OTUD4: variants seen among roughly 807,000 people sequenced by gnomAD.
The protein encoded by OTUD4 is OTU domain-containing protein 4.
Under a neutral mutation model 130.4 loss-of-function variants are expected in OTUD4, and 24 were observed. The ratio of observed to expected loss-of-function variants is 0.18; its 90% CI spans 0.13 to 0.26. The LOEUF (loss-of-function observed/expected upper bound fraction) is 0.26. Among genes scored for constraint, OTUD4 ranks in the 10% least tolerant of loss-of-function variants. OTUD4 has a pLI of 1.00. For synonymous variants in OTUD4, 420 were observed against 472.5 expected (o/e 0.89, Z 1.44); for missense variants, 1,031 against 1,329.4 (o/e 0.78, Z 3.49).
chr4:145,155,765 T>A, intron 8 of OTUD4, 79 bp from the exon 9 acceptor site: 1 of 1,085,466 alleles, frequency 9.2e-7, no homozygotes, highest in Non-Finnish European at 1.3e-6. Context: ...AAAACTAAAG[T>A]CAAATGAAGA....
At chr4:145,142,758 GATTA>G (rs983024198) in intron 17 of OTUD4, among the ~76,000 whole-genome samples, 5 of 152,184 alleles carry the variant, frequency 3.3e-5, no homozygotes, top group African/African-American at 1.2e-4. Flanking sequence ...TGAAATTCAT[GATTA>G]TTTAGAAAAA....
At chr4:145,152,286 T>C (rs867252040) in intron 11 of OTUD4, among the ~76,000 whole-genome samples, 1 of 152,122 alleles carries the variant, frequency 6.6e-6, no homozygotes, top group Non-Finnish European at 1.5e-5. Context: ...CTAATTTTTA[T>C]ATTTTCAGTA....
Position 145,179,880 on chromosome 4 carries a change from G to T in OTUD4, c.94C>A (p.Leu32Met). 6.6e-7 allele frequency: 1 copy of T among 1,522,826 alleles called. No individual in the cohort carries two copies. Among genetic ancestry groups the T allele is most frequent in the Non-Finnish European group, 8.8e-7 (1 of 1,140,416 alleles). 94.3% of individuals were successfully genotyped at this position (1,522,826 alleles called of 1,614,324 possible). A position where few individuals can be genotyped will look rare whatever the true frequency, so the allele number is the denominator to read the frequency against. Residue 32 changes from leucine to methionine, a missense_variant, in exon 1 of 21, where the codon CTG becomes ATG. Physicochemically the swap from Leu to Met is conservative, Grantham distance 15. This residue lies in a region of OTUD4 where 54 missense variants were observed against 60.6 expected (regional missense o/e 0.89). Coordinates refer to ENST00000447906, the MANE Select transcript of OTUD4 (RefSeq NM_001366057.1). ...GCGACCAGTTTCCGATACAAGCCCA[G>T]TTTCCGCAGATAGGCGTCCATGGGC... is the stretch of plus-strand genomic sequence containing the variant. Reference protein sequence around the residue: ...ATPMDAYLRKLGLYRKLVAKD... With the variant: ...ATPMDAYLRKMGLYRKLVAKD...
chr4:145,146,477 A>C, intron 13 of OTUD4, 48 bp from the exon 14 acceptor site: 1 of 1,044,486 alleles, frequency 9.6e-7, no homozygotes, highest in Non-Finnish European at 1.3e-6. Context: ...TAAATAAATA[A>C]ATAAATAAAT....
chr4:145,139,822 C>T, intron 20 of OTUD4, 129 bp downstream of exon 20: 1 of 414,094 alleles, frequency 2.4e-6, no homozygotes, highest in Non-Finnish European at 4.4e-6. Flanking sequence ...ACTGAAAATG[C>T]TGGTTTTTAA....
intron 7 of OTUD4, chr4:145,159,281 C>T: frequency 2.2e-6 from 3 of 1,344,016 alleles, no homozygotes; most frequent in Non-Finnish European, 2.9e-6. Context: ...GACGTAAATT[C>T]TCATCAACCA....
Position 145,164,140 on chromosome 4 carries a change from T to G in OTUD4, c.414+14A>C, listed in dbSNP as rs1299909591. Reference sequence around the variant, plus strand: ...TTTACTTAAATACTTTAGAACACTTTGAAAAATTCTTACCTTTTCAGGAAA... The same window carrying G: ...TTTACTTAAATACTTTAGAACACTTGGAAAAATTCTTACCTTTTCAGGAAA... On this transcript the variant is annotated intron_variant, in intron 5 of 20. Coordinates refer to ENST00000447906, the MANE Select transcript of OTUD4 (RefSeq NM_001366057.1). The G allele has an allele frequency of 1.6e-6, 2 of 1,274,488 alleles. No individual in the cohort carries two copies. The highest frequency in any genetic ancestry group is 2.6e-5 in the South Asian group (2 of 76,584). 78.9% of individuals were successfully genotyped at this position (1,274,488 alleles called of 1,614,324 possible). A position where few individuals can be genotyped will look rare whatever the true frequency, so the allele number is the denominator to read the frequency against.
intron 1 of OTUD4, among the ~76,000 whole-genome samples, chr4:145,179,347 TACATTCC>T (rs1306758182): frequency 6.6e-6 from 1 of 152,182 alleles, no homozygotes; most frequent in African/African-American, 2.4e-5. Flanking sequence ...TTGCCTACCC[TACATTCC>T]AAAGTCCAGC....
chr4:145,174,530 G>GT lies in OTUD4; in HGVS notation c.243+130dup, dbSNP rs965733117. The GT allele has an allele frequency of 8.4e-6, 5 of 593,716 alleles. No individual in the cohort carries two copies. The East Asian group carries it at 1.4e-4, about 17-fold the overall frequency. 36.8% of individuals were successfully genotyped at this position (593,716 alleles called of 1,614,324 possible). On this transcript the variant is annotated intron_variant, in intron 2 of 20. Coordinates refer to ENST00000447906, the MANE Select transcript of OTUD4 (RefSeq NM_001366057.1). Reference sequence around the variant, plus strand: ...TAACTAGATTAAGTTCAATAGAGAAGTTTTTTTAATAAGTGTTATTTTCAT... The same window carrying GT: ...TAACTAGATTAAGTTCAATAGAGAAGTTTTTTTTAATAAGTGTTATTTTCAT...
In OTUD4 at chr4:145,176,042, CT is replaced by C. The variant is rs70956828; in HGVS notation, c.160-1299del. Among the ~76,000 whole-genome samples the C allele has an allele frequency of 5.1e-3, 731 of 143,868 alleles. 6 individuals are homozygous for C. Among genetic ancestry groups the C allele is most frequent in the African/African-American group, 0.017 (653 of 39,354 alleles). 94.4% of individuals were successfully genotyped at this position (143,868 alleles called of 152,430 possible). A position where few individuals can be genotyped will look rare whatever the true frequency, so the allele number is the denominator to read the frequency against. On this transcript the variant is annotated intron_variant, in intron 1 of 20. Coordinates refer to ENST00000447906, the MANE Select transcript of OTUD4 (RefSeq NM_001366057.1). The stretch of plus-strand genomic sequence containing the variant: ...ATGTCCGGCTAATTTTTCTTTCTTT[CT>C]TTTTTTTTTTTCCGGCTCATTTTTC...
chr4:145,138,107 A>G lies in OTUD4; in HGVS notation c.2668T>C (p.Leu890=). The stretch of plus-strand genomic sequence containing the variant: ...TCCAGATTTTCCAGAGACAGATCCA[A>G]TTCTCCTTTTTCATCAGAGGGCAGG... The part of the protein sequence containing the change: ...IVLPSDEKGE[L]DLSLENLDLS... The change falls in exon 21 of 21, where the codon TTG becomes CTG. Residue 890 remains leucine (L), a synonymous_variant. Coordinates refer to ENST00000447906, the MANE Select transcript of OTUD4 (RefSeq NM_001366057.1). The G allele has an allele frequency of 6.2e-7, 1 of 1,614,032 alleles. No individual in the cohort carries two copies. Among genetic ancestry groups the G allele is most frequent in the South Asian group, 1.1e-5 (1 of 91,076 alleles).
Position 145,140,006 on chromosome 4 carries a change from A to T in OTUD4, c.2084-15T>A, listed in dbSNP as rs1299463170. 1.3e-5 allele frequency: 10 copies of T among 748,140 alleles called. No individual in the cohort carries two copies. Among genetic ancestry groups the T allele is most frequent in the Non-Finnish European group, 2.2e-5 (10 of 459,182 alleles). The allele number at this position is 748,140 out of a possible 1,614,324, so 46.3% of individuals were successfully genotyped here. On this transcript the variant is annotated splice_polypyrimidine_tract_variant and intron_variant, in intron 19 of 20. Transcript: ENST00000447906. ...AATATTCTTATCTAAAAATAAAAGT[A>T]ATCACTTGTTAAAATTATATATCTG...
At chr4:145,144,551 G>T in intron 14 of OTUD4, 117 bp from the exon 15 acceptor site, 1 of 976,420 alleles carries the variant, frequency 1.0e-6, no homozygotes, top group Non-Finnish European at 1.5e-6. Context: ...TCACAGCCCT[G>T]TATTTTTAAC....
chr4:145,150,475 C>T (rs774950635), intron 13 of OTUD4, 38 bp downstream of exon 13: 16 of 1,440,546 alleles, frequency 1.1e-5, no homozygotes, highest in Non-Finnish European at 1.4e-5. Flanking sequence ...ATGCCTCTTA[C>T]TTGATTTCTA....
At chr4:145,178,565 G>GC (rs3836693) in intron 1 of OTUD4, 36,112 of 152,108 alleles carry the variant, frequency 0.24, 5,356 homozygotes, top group East Asian at 0.45. Flanking sequence ...ATACCCCACA[G>GC]CAACACTGAA....
chr4:145,157,951 A>T (rs1182301158), intron 7 of OTUD4, among the ~76,000 whole-genome samples: 1 of 151,968 alleles, frequency 6.6e-6, no homozygotes, highest in Non-Finnish European at 1.5e-5. Context: ...AAGTCCCCCA[A>T]CCCCAATCAC....
intron 10 of OTUD4, among the ~76,000 whole-genome samples, chr4:145,153,251 G>A (rs943326585): frequency 1.3e-5 from 2 of 152,180 alleles, no homozygotes; most frequent in African/African-American, 4.8e-5. Flanking sequence ...ATATGTTAAG[G>A]CTCTAAACAA....
At chr4:145,170,419 T>G (rs1006598707) in intron 3 of OTUD4, among the ~76,000 whole-genome samples, 1 of 152,274 alleles carries the variant, frequency 6.6e-6, no homozygotes, top group East Asian at 1.9e-4. Flanking sequence ...CTGCCTGGAA[T>G]GCCCTTCAGC....
rs749715102 is a variant in OTUD4 at position 145,156,032 on chromosome 4, A to C, written c.630-36T>G. 1.9e-6 allele frequency: 3 copies of C among 1,549,714 alleles called. No homozygotes were observed. In the East Asian group the frequency reaches 6.7e-5, roughly 35 times the overall value. ...AGATAACCATAATTGGGGCAGAAAA[A>C]GGTATTTGCACGTAATTACCTTCTA... is the stretch of plus-strand genomic sequence containing the variant. On this transcript the variant is annotated intron_variant, in intron 7 of 20. Transcript: ENST00000447906.
Sources: allele counts gnomAD v4.1 joint callset (sites outside exome capture counted in the v4.1 genomes callset), GRCh38; gene constraint gnomAD v4.1.1; regional missense constraint gnomAD v4.1.1; transcripts MANE v1.5; gene names NCBI Gene and HGNC (gene_info 2026-07-23, HGNC 2026-07-21).